DNM1L: variants seen among roughly 807,000 people sequenced by gnomAD.
DNM1L encodes dynamin 1L.
Under a neutral mutation model 92.8 loss-of-function variants are expected in DNM1L, and 33 were observed. The ratio of observed to expected loss-of-function variants is 0.36; its 90% CI spans 0.27 to 0.48. The LOEUF is 0.48. DNM1L is among the 20% of genes least tolerant of loss of function. The pLI is 0.99. For synonymous variants in DNM1L, 284 were observed against 305.0 expected, an observed-to-expected ratio of 0.93 and a Z score of 0.72; for missense variants, 485 against 888.8, an observed-to-expected ratio of 0.55 and a Z score of 5.78.
intron 12 of DNM1L, 97 bp from the exon 13 acceptor site, chr12:32,733,618 T>C: frequency 1.0e-6 from 1 of 957,074 alleles, no homozygotes; most frequent in Non-Finnish European, 1.7e-6. Flanking sequence ...CTGTACTTTT[T>C]CGGTATTGTC....
intron 2 of DNM1L, among the ~76,000 whole-genome samples, chr12:32,704,742 T>C (rs1952853577): frequency 6.6e-6 from 1 of 152,188 alleles, no homozygotes; most frequent in Non-Finnish European, 1.5e-5. Flanking sequence ...CATAGGGTGC[T>C]GTGATACACG....
chr12:32,703,629 AAAAG>A (rs1565503713), intron 2 of DNM1L, among the ~76,000 whole-genome samples: 3 of 151,982 alleles, frequency 2.0e-5, no homozygotes, highest in South Asian at 2.1e-4. Context: ...AAAAAAAAAA[AAAAG>A]AAATCAGTTA....
At position 32,718,658 on chromosome 12, in the gene DNM1L, C is replaced by T; in HGVS notation, c.635C>T (p.Ala212Val). The change falls in exon 7 of 20, where the codon GCT becomes GTT. Residue 212 changes from alanine (A) to valine (V), a missense_variant. By Grantham distance (64) the Ala-to-Val change is moderately conservative (BLOSUM62 0). This residue lies in a region of DNM1L where 159 missense variants were observed against 275.9 expected (regional missense o/e 0.58). Coordinates refer to ENST00000549701, the MANE Select transcript of DNM1L (RefSeq NM_012062.5). ...EVDPDGRRTL[A>V]VITKLDLMDA... ...CATTTACCAGGTCGCAGAACCCTAG[C>T]TGTAATCACTAAACTTGATCTCATG... is the stretch of plus-strand genomic sequence containing the variant. 1 of 1,613,888 alleles carries T rather than the reference C, an allele frequency of 6.2e-7. No homozygotes were observed. The highest frequency in any genetic ancestry group is 8.5e-7 in the Non-Finnish European group (1 of 1,179,884).
intron 1 of DNM1L, among the ~76,000 whole-genome samples, chr12:32,699,762 CCAG>C (rs1952619504): frequency 7.0e-6 from 1 of 143,068 alleles, no homozygotes; most frequent in Admixed American, 7.5e-5. Context: ...CCACTGCACT[CCAG>C]CAGCCTGGGC....
intron 3 of DNM1L, 59 bp from the exon 4 acceptor site, chr12:32,708,094 G>C (rs1452555082): frequency 1.4e-5 from 15 of 1,035,046 alleles, no homozygotes; most frequent in Non-Finnish European, 2.2e-5. Flanking sequence ...TCCCCCTCCA[G>C]CTTAAGAACT....
intron 9 of DNM1L, among the ~76,000 whole-genome samples, chr12:32,730,130 C>T (rs1013697278): frequency 2.0e-5 from 3 of 151,186 alleles, no homozygotes; most frequent in Non-Finnish European, 4.4e-5. Context: ...CTTTGGGAGG[C>T]CGAGGTGGGC....
At chr12:32,694,957 G>A (rs937308293) in intron 1 of DNM1L, among the ~76,000 whole-genome samples, 1 of 152,118 alleles carries the variant, frequency 6.6e-6, no homozygotes, top group African/African-American at 2.4e-5. Context: ...GGGATCAGTT[G>A]TAAAGTCTGA....
At chr12:32,732,001 C>T (rs1359431897) in intron 12 of DNM1L, 58 bp downstream of exon 12, 11 of 1,335,914 alleles carry the variant, frequency 8.2e-6, no homozygotes, top group Non-Finnish European at 1.1e-5. Flanking sequence ...TAAATTTTTG[C>T]TTGGCTGCTT....
At position 32,744,709 on chromosome 12, in the gene DNM1L, G is replaced by A. The variant is rs983681892; in HGVS notation, c.*1299G>A. 26 of 350,936 alleles carry A rather than the reference G, an allele frequency of 7.4e-5. 1 individual carries two copies. Among genetic ancestry groups the A allele is most frequent in the African/African-American group, 4.7e-4 (21 of 44,258 alleles). The allele number at this position is 350,936 out of a possible 1,614,324, so 21.7% of individuals were successfully genotyped here. ...GCCTTGGCAACAAGAGCGAAACTCCGTCTCAAAAAAAAAAAATAAAACAAC... is the reference window on the plus strand; with the variant it reads ...GCCTTGGCAACAAGAGCGAAACTCCATCTCAAAAAAAAAAAATAAAACAAC... On this transcript the variant is annotated 3_prime_UTR_variant, in exon 20 of 20. Coordinates refer to ENST00000549701, the MANE Select transcript of DNM1L (RefSeq NM_012062.5).
chr12:32,712,444 T>C (rs1369589407), intron 5 of DNM1L, among the ~76,000 whole-genome samples: 1 of 152,034 alleles, frequency 6.6e-6, no homozygotes, highest in Non-Finnish European at 1.5e-5. Flanking sequence ...GAAGTTTCCC[T>C]GATTACTCTA....
intron 6 of DNM1L, 95 bp downstream of exon 6, chr12:32,713,466 G>C: frequency 7.7e-7 from 1 of 1,292,818 alleles, no homozygotes; most frequent in African/African-American, 1.5e-5. Flanking sequence ...AGTATCTCTG[G>C]TTTTGAATAC....
At chr12:32,680,238 C>T (rs971695624) in intron 1 of DNM1L, among the ~76,000 whole-genome samples, 2 of 151,960 alleles carry the variant, frequency 1.3e-5, no homozygotes, top group African/African-American at 4.8e-5. Flanking sequence ...GAAATGTTGG[C>T]AAAATAACTG....
At chr12:32,741,925 C>G (rs779108473) in intron 18 of DNM1L, among the ~76,000 whole-genome samples, 1 of 152,056 alleles carries the variant, frequency 6.6e-6, no homozygotes, top group Non-Finnish European at 1.5e-5. Flanking sequence ...AAAGCATATC[C>G]GTGTCATTAA....
chr12:32,684,954 T>G (rs985565088), intron 1 of DNM1L, among the ~76,000 whole-genome samples: 1 of 151,774 alleles, frequency 6.6e-6, no homozygotes, highest in African/African-American at 2.4e-5. Flanking sequence ...TTTTTTTTTT[T>G]TTTGAGATGG....
At chr12:32,683,916 T>C (rs1951898143) in intron 1 of DNM1L, among the ~76,000 whole-genome samples, 1 of 152,130 alleles carries the variant, frequency 6.6e-6, no homozygotes, top group African/African-American at 2.4e-5. Context: ...TGACCTCAAA[T>C]GATCTGCCTG....
chr12:32,744,815 A>C lies in DNM1L; in HGVS notation c.*1405A>C, dbSNP rs1955540990. The stretch of plus-strand genomic sequence containing the variant: ...GGTAGTGATGAGGTTTAGAACATAT[A>C]CATATTTTGTTAAAATTCCCCAGAT... On this transcript the variant is annotated 3_prime_UTR_variant, in exon 20 of 20. Transcript: ENST00000549701. 2.1e-6 allele frequency: 1 copy of C among 470,522 alleles called. No individual in the cohort carries two copies. The highest frequency in any genetic ancestry group is 2.0e-5 in the African/African-American group (1 of 50,704). The allele number at this position is 470,522 out of a possible 1,614,324, so 29.1% of individuals were successfully genotyped here. A position where few individuals can be genotyped will look rare whatever the true frequency, so the allele number is the denominator to read the frequency against.
chr12:32,707,690 A>C (rs1952979256), intron 3 of DNM1L, among the ~76,000 whole-genome samples: 1 of 152,136 alleles, frequency 6.6e-6, no homozygotes. Flanking sequence ...TGGCTAATGC[A>C]AGTAATCCCA....
In DNM1L at chr12:32,731,815, A is replaced by AAAAAACG; in HGVS notation, c.1357-33_1357-32insGAAAAAC. On this transcript the variant is annotated intron_variant, in intron 11 of 19. Coordinates refer to ENST00000549701, the MANE Select transcript of DNM1L (RefSeq NM_012062.5). The surrounding 1 kb of genome is among the most constrained non-coding windows in gnomAD (Gnocchi z 5.1). ...TGAGACTATGACTTAAAAAAAAAACAAAAAACAAACACGTTTTTCTTTCAT... is the reference window on the plus strand; with the variant it reads ...TGAGACTATGACTTAAAAAAAAAACAAAAAACGAAAAACAAACACGTTTTTCTTTCAT... The AAAAAACG allele has an allele frequency of 6.4e-7, 1 of 1,568,114 alleles. No individual in the cohort carries two copies.
At chr12:32,685,015 C>T (rs1951949582) in intron 1 of DNM1L, among the ~76,000 whole-genome samples, 1 of 151,320 alleles carries the variant, frequency 6.6e-6, no homozygotes, top group African/African-American at 2.4e-5. Context: ...TCTTGGCTCA[C>T]CGCAAGCTCC....
Sources: allele counts gnomAD v4.1 joint callset (sites outside exome capture counted in the v4.1 genomes callset), GRCh38; gene constraint gnomAD v4.1.1; regional missense constraint gnomAD v4.1.1; non-coding constraint Gnocchi (gnomAD v3.1); transcripts MANE v1.5; gene names NCBI Gene and HGNC (gene_info 2026-07-23, HGNC 2026-07-21).